CAMK1D: variants seen among roughly 807,000 people sequenced by gnomAD.
The protein encoded by CAMK1D is calcium/calmodulin dependent protein kinase ID.
CAMK1D carries 9 observed loss-of-function variants against 47.7 expected under a neutral mutation model. The observed-to-expected ratio is 0.19, with a 90% CI of 0.11 to 0.33. The LOEUF (loss-of-function observed/expected upper bound fraction) is 0.33. Among genes scored for constraint, CAMK1D ranks in the 10% least tolerant of loss-of-function variants. The probability of loss-of-function intolerance (pLI) is 1.00; values close to 1 mark genes in which losing one functional copy is unlikely to be tolerated. For missense variants in CAMK1D, 291 were observed against 488.7 expected, an observed-to-expected ratio of 0.60 and a Z score of 3.81; for synonymous variants, 184 against 184.9, an observed-to-expected ratio of 0.99 and a Z score of 0.04.
In CAMK1D at chr10:12,611,609, T is replaced by TTTTTTTTTTTTTTTTG. The variant is rs1554796845; in HGVS notation, c.225-55127_225-55126insTTTTTTTTTTTTTTTG. Among the ~76,000 whole-genome samples the TTTTTTTTTTTTTTTTG allele has an allele frequency of 8.8e-5, 11 of 124,706 alleles. 1 individual carries two copies. Among genetic ancestry groups the TTTTTTTTTTTTTTTTG allele is most frequent in the Admixed American group, 1.9e-4 (2 of 10,708 alleles). The allele number at this position is 124,706 out of a possible 152,430, so 81.8% of individuals were successfully genotyped here. Reference sequence around the variant, plus strand: ...ATGCCTTTTTTTTTTTTTTTTTTTTTGAGACAGAGTCTTACTCTGTCTCCC... The same window carrying TTTTTTTTTTTTTTTTG: ...ATGCCTTTTTTTTTTTTTTTTTTTTTTTTTTTTTTTTTTTTGGAGACAGAGTCTTACTCTGTCTCCC... On this transcript the variant is annotated intron_variant, in intron 2 of 10. Transcript: ENST00000619168.
chr10:12,583,067 A>G (rs941895814), intron 2 of CAMK1D, among the ~76,000 whole-genome samples: 10 of 152,214 alleles, frequency 6.6e-5, no homozygotes, highest in African/African-American at 2.4e-4. Context: ...CAAGACTCCC[A>G]TCTGTGAAAG....
At chr10:12,768,121 C>G (rs1350808499) in intron 4 of CAMK1D, among the ~76,000 whole-genome samples, 1 of 152,222 alleles carries the variant, frequency 6.6e-6, no homozygotes, top group South Asian at 2.1e-4. Context: ...GATCCACCTG[C>G]CTTGGCCTCC....
At chr10:12,396,618 A>G (rs750294911) in intron 1 of CAMK1D, among the ~76,000 whole-genome samples, 5 of 152,218 alleles carry the variant, frequency 3.3e-5, no homozygotes, top group African/African-American at 4.8e-5. Flanking sequence ...CTTTCTGTCT[A>G]GGCTTCAGCT....
intron 3 of CAMK1D, among the ~76,000 whole-genome samples, chr10:12,717,049 G>T (rs1834171233): frequency 6.6e-6 from 1 of 152,206 alleles, no homozygotes; most frequent in African/African-American, 2.4e-5. Context: ...ATTACTTGAG[G>T]AGTAGTCCAG....
chr10:12,510,575 G>C (rs1307212626), intron 1 of CAMK1D, among the ~76,000 whole-genome samples: 1 of 152,234 alleles, frequency 6.6e-6, no homozygotes, highest in Admixed American at 6.5e-5. Flanking sequence ...TACTGTGGCT[G>C]CAAGCAAGTC....
chr10:12,618,718 A>G (rs749336309), intron 2 of CAMK1D, among the ~76,000 whole-genome samples: 11 of 149,862 alleles, frequency 7.3e-5, no homozygotes, highest in South Asian at 2.1e-4. Context: ...GATTCATGGG[A>G]AAAAAAAAGA....
At position 12,699,457 on chromosome 10, in the gene CAMK1D, T is replaced by C. The variant is rs142021741; in HGVS notation, c.299+32647T>C. On this transcript the variant is annotated intron_variant, in intron 3 of 10. Transcript: ENST00000619168. ...GGATCTTGATCCTACTTGTTGAAAA[T>C]TTCCGTTGAGATCTCTGCTCTTGTC... Among the ~76,000 whole-genome samples the C allele has an allele frequency of 6.0e-3, 918 of 152,242 alleles. 4 individuals carry two copies. The highest frequency in any genetic ancestry group is 0.01 in the Non-Finnish European group (685 of 68,018).
chr10:12,371,160 A>T (rs1289617347), intron 1 of CAMK1D, among the ~76,000 whole-genome samples: 1 of 152,130 alleles, frequency 6.6e-6, no homozygotes, highest in Non-Finnish European at 1.5e-5. Flanking sequence ...AGTGTAGAGT[A>T]ATGCTCTAGG....
At chr10:12,584,611 G>C (rs1837761680) in intron 2 of CAMK1D, among the ~76,000 whole-genome samples, 1 of 152,096 alleles carries the variant, frequency 6.6e-6, no homozygotes, top group African/African-American at 2.4e-5. Context: ...CTTGAGTCCT[G>C]GAGTTTGAGA....
At chr10:12,744,022 CAAAA>C (rs60844942) in intron 3 of CAMK1D, among the ~76,000 whole-genome samples, 3 of 99,836 alleles carry the variant, frequency 3.0e-5, no homozygotes, top group African/African-American at 8.6e-5. Flanking sequence ...GACTCCGTTT[CAAAA>C]AAAAAAAAAA....
intron 5 of CAMK1D, among the ~76,000 whole-genome samples, chr10:12,790,149 C>T (rs117760236): frequency 1.3e-3 from 197 of 152,344 alleles, no homozygotes; most frequent in Non-Finnish European, 2.3e-3. Context: ...AGCCCAAGCC[C>T]CCAGCATGGA....
At chr10:12,804,573 G>A (rs1047743062) in intron 6 of CAMK1D, among the ~76,000 whole-genome samples, 1 of 150,142 alleles carries the variant, frequency 6.7e-6, no homozygotes, top group Admixed American at 6.7e-5. Flanking sequence ...ACTCCAGCCT[G>A]GGCGACAGAG....
intron 1 of CAMK1D, among the ~76,000 whole-genome samples, chr10:12,372,380 A>G (rs1321393620): frequency 1.3e-5 from 2 of 152,238 alleles, no homozygotes; most frequent in African/African-American, 4.8e-5. Context: ...AAGGTCACAT[A>G]GACCTATCTG....
intron 1 of CAMK1D, among the ~76,000 whole-genome samples, chr10:12,409,466 T>C (rs953697317): frequency 2.6e-5 from 4 of 152,212 alleles, no homozygotes; most frequent in Non-Finnish European, 5.9e-5. Context: ...TTTTTCTTTT[T>C]AGTGGCGGGC....
chr10:12,663,188 T>C (rs1840328750), intron 2 of CAMK1D, among the ~76,000 whole-genome samples: 1 of 152,132 alleles, frequency 6.6e-6, no homozygotes, highest in Non-Finnish European at 1.5e-5. Flanking sequence ...CTGGAACTCC[T>C]GACCTCAAGT....
At chr10:12,649,928 G>C (rs967151785) in intron 2 of CAMK1D, among the ~76,000 whole-genome samples, 4 of 152,342 alleles carry the variant, frequency 2.6e-5, no homozygotes, top group Admixed American at 2.6e-4. Context: ...GAGCGAGAGG[G>C]TCAGGACTCC....
At chr10:12,474,370 T>G (rs773086768) in intron 1 of CAMK1D, among the ~76,000 whole-genome samples, 6 of 151,950 alleles carry the variant, frequency 3.9e-5, no homozygotes, top group Non-Finnish European at 8.8e-5. Flanking sequence ...TTTTTATGTA[T>G]TTTTAGTAGA....
At chr10:12,771,278 A>G (rs1399164225) in intron 5 of CAMK1D, among the ~76,000 whole-genome samples, 2 of 152,182 alleles carry the variant, frequency 1.3e-5, no homozygotes, top group South Asian at 2.1e-4. Flanking sequence ...CTTCATGAGA[A>G]TAGCCATTGA....
rs147083210 is a variant in CAMK1D at position 12,817,225 on chromosome 10, G to A, written c.833+897G>A. Among the ~76,000 whole-genome samples the A allele has an allele frequency of 1.9e-3, 297 of 152,352 alleles. 1 individual carries two copies. The highest frequency in any genetic ancestry group is 6.9e-3 in the African/African-American group (286 of 41,578). ...GTGGGGACAGAGCCAAACCACATCA[G>A]TATGCAAAAGATAGCTGCTTTTGCA... On this transcript the variant is annotated intron_variant, in intron 8 of 10. Transcript: ENST00000619168.
Sources: allele counts gnomAD v4.1 joint callset (sites outside exome capture counted in the v4.1 genomes callset), GRCh38; gene constraint gnomAD v4.1.1; transcripts MANE v1.5; gene names NCBI Gene and HGNC (gene_info 2026-07-23, HGNC 2026-07-21).